The following SVEP1 variants were observed in gnomAD, a reference collection of about 807,000 sequenced individuals.
SVEP1 encodes the protein sushi, von Willebrand factor type A, EGF and pentraxin domain containing 1.
SVEP1 carries 164 observed loss-of-function variants against 367.3 expected under a neutral mutation model. The ratio of observed to expected loss-of-function variants is 0.45; its 90% CI spans 0.39 to 0.51. SVEP1 has a LOEUF of 0.51. Ranked by LOEUF, SVEP1 falls within the 20% of genes least tolerant of loss-of-function variation. SVEP1 has a pLI of 0.00. For missense variants in SVEP1, 4,117 were observed against 4,425.3 expected (o/e 0.93, Z 1.98); for synonymous variants, 1,666 against 1,611.6 (o/e 1.03, Z -0.81).
chr9:110,408,489 C>A lies in SVEP1; in HGVS notation c.7111G>T (p.Asp2371Tyr), dbSNP rs757531902. The change falls in exon 38 of 48, where the codon GAC becomes TAC. Residue 2371 changes from aspartate (D) to tyrosine (Y), a missense_variant. Asp to Tyr is a radical substitution (Grantham distance 160). This residue lies in a region of SVEP1 where 1,765 missense variants were observed against 1,781.1 expected (regional missense o/e 0.99). Coordinates refer to ENST00000374469, the MANE Select transcript of SVEP1 (RefSeq NM_153366.4). ...LKCLPSQQWNDSFPVCKIVLC... is the reference protein window; with the variant it reads ...LKCLPSQQWNYSFPVCKIVLC... ...ACAATCTTACAAACAGGGAAAGAGT[C>A]ATTCCATTGCTGGGATGGCAAGCAT... 1 of 1,613,722 alleles carries A rather than the reference C, an allele frequency of 6.2e-7. No homozygotes were observed. The highest frequency in any genetic ancestry group is 1.1e-5 in the South Asian group (1 of 91,048).
chr9:110,528,156 G>GTGTGTGCATATATATATA, intron 3 of SVEP1, among the ~76,000 whole-genome samples: 4 of 33,940 alleles, frequency 1.2e-4, no homozygotes, highest in South Asian at 9.6e-4. Flanking sequence ...GTGTGTGTGT[G>GTGTGTGCATATATATATA]TATATATATA....
At chr9:110,532,516 G>A (rs1830033499) in intron 3 of SVEP1, among the ~76,000 whole-genome samples, 1 of 152,134 alleles carries the variant, frequency 6.6e-6, no homozygotes, top group South Asian at 2.1e-4. Flanking sequence ...TGACTGAGGA[G>A]TCACTAGCAG....
At position 110,429,135 on chromosome 9, in the gene SVEP1, AATGTT is replaced by A. The variant is rs760864797; in HGVS notation, c.5807+3_5807+7del. On this transcript the variant is annotated splice_donor_5th_base_variant and intron_variant, in intron 35 of 47. Transcript: ENST00000374469. ...GTAGAAAGCTTGGTTGGTGTCTACAAATGTTACCTGTATCCTGTATCGCATGAATA... is the reference window on the plus strand; with the variant it reads ...GTAGAAAGCTTGGTTGGTGTCTACAAACCTGTATCCTGTATCGCATGAATA... 1.2e-5 allele frequency: 19 copies of A among 1,561,224 alleles called. No homozygotes were observed. Among genetic ancestry groups the A allele is most frequent in the Non-Finnish European group, 1.5e-5 (17 of 1,156,182 alleles).
chr9:110,399,690 C>G (rs770449090), intron 40 of SVEP1, among the ~76,000 whole-genome samples: 3 of 151,936 alleles, frequency 2.0e-5, no homozygotes, highest in Non-Finnish European at 4.4e-5. Context: ...CATTCCATCA[C>G]GCCTGGCCAT....
chr9:110,516,560 T>C (rs1437743460), intron 3 of SVEP1, among the ~76,000 whole-genome samples: 1 of 152,172 alleles, frequency 6.6e-6, no homozygotes, highest in East Asian at 1.9e-4. Context: ...AATATTTCTT[T>C]CTATAAAATA....
chr9:110,536,539 T>C (rs1588097276), intron 3 of SVEP1, among the ~76,000 whole-genome samples: 2 of 151,926 alleles, frequency 1.3e-5, no homozygotes, highest in East Asian at 3.9e-4. Context: ...CTTTTCACAA[T>C]TGCATTTCAT....
chr9:110,415,578 T>G (rs1057016242), intron 36 of SVEP1, among the ~76,000 whole-genome samples: 2 of 152,058 alleles, frequency 1.3e-5, no homozygotes, highest in Non-Finnish European at 2.9e-5. Context: ...GATGCCATCC[T>G]TGACTGGAAC....
chr9:110,397,246 A>G (rs201872419), intron 40 of SVEP1, among the ~76,000 whole-genome samples: 1 of 134,554 alleles, frequency 7.4e-6, no homozygotes, highest in South Asian at 2.4e-4. Flanking sequence ...CAAAAACCAC[A>G]TGATTATCTC....
At chr9:110,371,859 AAT>A (rs879499877) in intron 46 of SVEP1, among the ~76,000 whole-genome samples, 2,399 of 152,298 alleles carry the variant, frequency 0.016, no homozygotes, top group African/African-American at 0.055. Context: ...ACAATCCCGC[AAT>A]GAATCTCTCT....
At chr9:110,430,107 CTTTTTTT>C (rs11331398) in intron 33 of SVEP1, 103 bp from the exon 34 acceptor site, 4 of 964,964 alleles carry the variant, frequency 4.1e-6, no homozygotes, top group African/African-American at 3.6e-5. Context: ...TGTTTGTTTT[CTTTTTTT>C]TTTTTTTTGG....
intron 36 of SVEP1, among the ~76,000 whole-genome samples, chr9:110,426,353 A>G (rs556024525): frequency 1.3e-5 from 2 of 152,268 alleles, no homozygotes; most frequent in South Asian, 4.1e-4. Context: ...CATCATAATA[A>G]TGGCTAAGTT....
Position 110,437,719 on chromosome 9 carries a change from G to A in SVEP1, c.4640-1215C>T, listed in dbSNP as rs560485596. ...TAACTTCTTTAGTGGTGATTTCTGA[G>A]ATTTTGATGCACCCATCACCTGAGC... is the stretch of plus-strand genomic sequence containing the variant. On this transcript the variant is annotated intron_variant, in intron 27 of 47. Transcript: ENST00000374469. 7.0e-4 allele frequency among the ~76,000 whole-genome samples: 106 copies of A among 152,142 alleles called. 1 individual carries two copies. Among genetic ancestry groups the A allele is most frequent in the African/African-American group, 2.4e-3 (98 of 41,496 alleles).
At chr9:110,399,306 G>A (rs1331262844) in intron 40 of SVEP1, among the ~76,000 whole-genome samples, 2 of 150,726 alleles carry the variant, frequency 1.3e-5, no homozygotes, top group Admixed American at 6.6e-5. Context: ...GAGAACACAT[G>A]GACACAGGAA....
intron 8 of SVEP1, among the ~76,000 whole-genome samples, chr9:110,491,458 G>T (rs548146359): frequency 6.6e-6 from 1 of 151,512 alleles, no homozygotes; most frequent in African/African-American, 2.4e-5. Context: ...TTCCTTTAAG[G>T]TGCCATTTAC....
intron 3 of SVEP1, among the ~76,000 whole-genome samples, chr9:110,535,212 T>A (rs1400884058): frequency 6.6e-6 from 1 of 152,154 alleles, no homozygotes; most frequent in Non-Finnish European, 1.5e-5. Context: ...AAGAAAGGGA[T>A]TCTGTTTCAA....
chr9:110,483,776 G>T lies in SVEP1; in HGVS notation c.1931-83C>A, dbSNP rs1297954501. 4.0e-6 allele frequency: 4 copies of T among 989,164 alleles called. No individual in the cohort carries two copies. The East Asian group carries it at 1.2e-4, about 30-fold the overall frequency. 61.3% of individuals were successfully genotyped at this position (989,164 alleles called of 1,614,324 possible). On this transcript the variant is annotated intron_variant, in intron 9 of 47. Coordinates refer to ENST00000374469, the MANE Select transcript of SVEP1 (RefSeq NM_153366.4). Reference sequence around the variant, plus strand: ...GGTTTTCAAAAGAGAACTGAAGTCGGCTTGTGCTGGCAGACAGCCTTGAGC... The same window carrying T: ...GGTTTTCAAAAGAGAACTGAAGTCGTCTTGTGCTGGCAGACAGCCTTGAGC...
rs1312333588 is a variant in SVEP1, at chr9:110,446,946, G to A, written c.4215C>T (p.Tyr1405=). The part of the protein sequence containing the change: ...QATCVDELNS[Y]SCKCQPGFSG... Reference sequence around the variant, plus strand: ...AAAATCCTGGCTGACATTTACAACTGTATGAATTTAATTCATCCACACAGG... The same window carrying A: ...AAAATCCTGGCTGACATTTACAACTATATGAATTTAATTCATCCACACAGG... The change falls in exon 25 of 48, where the codon TAC becomes TAT. Residue 1405 remains tyrosine (Y), a synonymous_variant. Coordinates refer to ENST00000374469, the MANE Select transcript of SVEP1 (RefSeq NM_153366.4). 6.5e-7 allele frequency: 1 copy of A among 1,544,424 alleles called. No individual in the cohort carries two copies. Among genetic ancestry groups the A allele is most frequent in the Non-Finnish European group, 8.7e-7 (1 of 1,144,360 alleles).
rs576498147 is a variant in SVEP1 at position 110,567,029 on chromosome 9, A to G, written c.531+11984T>C. Among the ~76,000 whole-genome samples, 4 of 152,348 alleles carry G rather than the reference A, an allele frequency of 2.6e-5. No homozygotes were observed. In the East Asian group the frequency reaches 7.7e-4, roughly 29 times the overall value. ...ATTTCAAAAGTCAAGCATCCACTGAATAGTCCTTTGAGATGTTACAACTAT... is the reference window on the plus strand; with the variant it reads ...ATTTCAAAAGTCAAGCATCCACTGAGTAGTCCTTTGAGATGTTACAACTAT... On this transcript the variant is annotated intron_variant, in intron 1 of 47. Coordinates refer to ENST00000374469, the MANE Select transcript of SVEP1 (RefSeq NM_153366.4).
intron 45 of SVEP1, among the ~76,000 whole-genome samples, chr9:110,375,982 G>A (rs1588018883): frequency 1.3e-5 from 2 of 152,228 alleles, no homozygotes; most frequent in South Asian, 2.1e-4. Flanking sequence ...GAGGACTGAC[G>A]GTGACTGAAT....
Sources: gnomAD v4.1 joint callset for allele counts (sites outside exome capture counted in the v4.1 genomes callset) on GRCh38, gnomAD v4.1.1 for gene constraint, gnomAD v4.1.1 regional missense constraint, MANE v1.5 for transcripts, NCBI Gene and HGNC (gene_info 2026-07-23, HGNC 2026-07-21) for gene names.